The following IL15RA variants were observed in gnomAD, a reference collection of about 807,000 sequenced individuals.
IL15RA encodes interleukin 15 receptor subunit alpha.
A neutral mutation model predicts 24.2 loss-of-function variants in IL15RA; 26 were observed. The ratio of observed to expected loss-of-function variants is 1.07; its 90% CI spans 0.79 to 1.49. The LOEUF (loss-of-function observed/expected upper bound fraction) is 1.49, where lower values mean the gene tolerates loss of function less well. Ranked by LOEUF, IL15RA falls within the 40% of genes most tolerant of loss-of-function variation. The pLI is 0.00. For missense variants in IL15RA, 354 were observed against 356.4 expected (o/e 0.99, Z 0.05); for synonymous variants, 166 against 157.6 (o/e 1.05, Z -0.40).
chr10:5,974,955 G>C (rs1838181419), intron 1 of IL15RA, among the ~76,000 whole-genome samples: 1 of 151,146 alleles, frequency 6.6e-6, no homozygotes, highest in Admixed American at 6.6e-5. Flanking sequence ...AGAGGTCAAG[G>C]CTGCAGTGAG....
At chr10:5,952,104 G>T (rs143079909), downstream of IL15RA, among the ~76,000 whole-genome samples, 15 of 152,164 alleles carry the variant, frequency 9.9e-5, no homozygotes, top group African/African-American at 3.6e-4. Flanking sequence ...GTCAAAAACA[G>T]CAAAGAAAGT....
At chr10:5,954,409 C>T (rs557632053) in intron 6 of IL15RA, among the ~76,000 whole-genome samples, 262 of 151,782 alleles carry the variant, frequency 1.7e-3, no homozygotes, top group Admixed American at 2.8e-3. Context: ...CCGACCATGC[C>T]AATTCTTCCT....
chr10:5,971,731 C>T lies in IL15RA; in HGVS notation c.89-5392G>A, dbSNP rs1202304430. Among the ~76,000 whole-genome samples, 2 of 152,182 alleles carry T rather than the reference C, an allele frequency of 1.3e-5. No homozygotes were observed. Among genetic ancestry groups the T allele is most frequent in the Non-Finnish European group, 2.9e-5 (2 of 68,034 alleles). On this transcript the variant is annotated intron_variant, in intron 1 of 6. Transcript: ENST00000379977. This position sits in a 1 kb window ranked among gnomAD's most constrained non-coding sequence, Gnocchi z 5.5. ...CATCACCTTCCTTCCTTATTTTCCC[C>T]GCTGAAATGTCAGCCAAGTCAACAC... is the stretch of plus-strand genomic sequence containing the variant.
Position 5,959,594 on chromosome 10 carries a change from C to A in IL15RA, c.616+160G>T. The A allele has an allele frequency of 1.5e-6, 1 of 658,064 alleles. No homozygotes were observed. The allele number at this position is 658,064 out of a possible 1,614,324, so 40.8% of individuals were successfully genotyped here. A position where few individuals can be genotyped will look rare whatever the true frequency, so the allele number is the denominator to read the frequency against. ...ACATCAAACAGAGAATTCCATAAAT[C>A]AGCTATTACTTAACTTATTATCTGA... is the stretch of plus-strand genomic sequence containing the variant. On this transcript the variant is annotated intron_variant, in intron 5 of 6. Transcript: ENST00000379977. The surrounding 1 kb of genome is among the most constrained non-coding windows in gnomAD (Gnocchi z 4.1).
rs747833344 is a variant in IL15RA, at chr10:5,966,329, G to A, written c.99C>T (p.Cys33=). ...LRPPATRGIT[C]PPPMSVEHAD... is the part of the protein sequence containing the mutation. ...CGTGTTCCACGGACATGGGGGGAGG[G>A]CACGTGATGCCTGCGAAAGTGCAGA... is the stretch of plus-strand genomic sequence containing the variant. The change falls in exon 2 of 7, where the codon TGC becomes TGT. Residue 33 remains cysteine, a synonymous_variant. Transcript: ENST00000379977. This position sits in a 1 kb window ranked among gnomAD's most constrained non-coding sequence, Gnocchi z 6.4. 1 of 1,606,180 alleles carries A rather than the reference G, an allele frequency of 6.2e-7. No homozygotes were observed. Among genetic ancestry groups the A allele is most frequent in the South Asian group, 1.1e-5 (1 of 90,958 alleles).
intron 1 of IL15RA, among the ~76,000 whole-genome samples, chr10:5,969,946 A>T (rs987234840): frequency 6.6e-6 from 1 of 152,096 alleles, no homozygotes; most frequent in African/African-American, 2.4e-5. Flanking sequence ...AAATGGTATG[A>T]TATTTATTTC....
rs901857495 is a variant in IL15RA, at chr10:5,962,324, G to T, written c.382+1419C>A. ...AACCACCTGTGGGCTGGGTGCAGTG[G>T]CTCACACCTGTAATCCCAGCACTTT... On this transcript the variant is annotated intron_variant, in intron 3 of 6. Transcript: ENST00000379977. The surrounding 1 kb of genome is among the most constrained non-coding windows in gnomAD (Gnocchi z 5.2). 6.6e-6 allele frequency among the ~76,000 whole-genome samples: 1 copy of T among 152,190 alleles called. No homozygotes were observed. Among genetic ancestry groups the T allele is most frequent in the Admixed American group, 6.5e-5 (1 of 15,274 alleles).
chr10:5,964,747 C>G lies in IL15RA; in HGVS notation c.284-906G>C, dbSNP rs1386186044. On this transcript the variant is annotated intron_variant, in intron 2 of 6. Transcript: ENST00000379977. The surrounding 1 kb of genome is among the most constrained non-coding windows in gnomAD (Gnocchi z 5.6). ...CCTGACTTGCCCTGCAGTGAGAAAG[C>G]CCTCATTTTACCTCGGGCAGACAGG... Among the ~76,000 whole-genome samples the G allele has an allele frequency of 6.6e-6, 1 of 152,192 alleles. No homozygotes were observed. Among genetic ancestry groups the G allele is most frequent in the Non-Finnish European group, 1.5e-5 (1 of 68,038 alleles).
chr10:5,977,646 C>G (rs1838677014), upstream of IL15RA: 1 of 1,253,414 alleles, frequency 8.0e-7, no homozygotes, highest in East Asian at 3.2e-5. Flanking sequence ...AGGTGCAAAG[C>G]GGTGACAGAT....
chr10:5,969,164 C>A (rs1837140104), intron 1 of IL15RA, among the ~76,000 whole-genome samples: 1 of 152,036 alleles, frequency 6.6e-6, no homozygotes, highest in African/African-American at 2.4e-5. Flanking sequence ...AGTCCTCCTA[C>A]TGTGCTAATC....
rs1407525533 is a variant in IL15RA, at chr10:5,958,344, C to A, written c.616+1410G>T. Reference sequence around the variant, plus strand: ...CCTGGAAATCTGGTAGCAAGTGTTGCTTCCTTCCTGCAAGGGGATTTTTGA... The same window carrying A: ...CCTGGAAATCTGGTAGCAAGTGTTGATTCCTTCCTGCAAGGGGATTTTTGA... On this transcript the variant is annotated intron_variant, in intron 5 of 6. Transcript: ENST00000379977. The surrounding 1 kb of genome is among the most constrained non-coding windows in gnomAD (Gnocchi z 4.3). 1.1e-5 allele frequency: 5 copies of A among 446,612 alleles called. No homozygotes were observed. Among genetic ancestry groups the A allele is most frequent in the Admixed American group, 2.5e-5 (1 of 40,066 alleles). 27.7% of individuals were successfully genotyped at this position (446,612 alleles called of 1,614,324 possible).
intron 1 of IL15RA, among the ~76,000 whole-genome samples, chr10:5,969,756 G>A (rs1387835905): frequency 1.3e-5 from 2 of 152,208 alleles, no homozygotes; most frequent in Non-Finnish European, 2.9e-5. Context: ...TCAGTTTGGG[G>A]AAGAATTGAT....
rs937016305 is a variant in IL15RA at position 5,953,528 on chromosome 10, A to C, written c.693-322T>G. ...GACCAACCAGGACAATATGATGAGA[A>C]TAAATCCTCTCCAGGTATTTCCAAC... On this transcript the variant is annotated intron_variant, in intron 6 of 6. Coordinates refer to ENST00000379977, the MANE Select transcript of IL15RA (RefSeq NM_002189.4). The surrounding 1 kb of genome is among the most constrained non-coding windows in gnomAD (Gnocchi z 5.3). 2.0e-5 allele frequency among the ~76,000 whole-genome samples: 3 copies of C among 152,162 alleles called. No individual in the cohort carries two copies. The highest frequency in any genetic ancestry group is 4.4e-5 in the Non-Finnish European group (3 of 68,028).
downstream of IL15RA, chr10:5,950,787 T>G (rs1255472840): frequency 6.6e-6 from 1 of 152,638 alleles, no homozygotes; most frequent in African/African-American, 2.4e-5. The surrounding 1 kb of genome is among the most constrained non-coding windows in gnomAD (Gnocchi z 5.6). Context: ...AGCAGCCACG[T>G]GGAGAAGCCT....
chr10:5,969,243 AT>A (rs1234556521), intron 1 of IL15RA, among the ~76,000 whole-genome samples: 5 of 150,642 alleles, frequency 3.3e-5, no homozygotes, highest in Non-Finnish European at 5.9e-5. Context: ...AATTAAATTA[AT>A]TTTTTAAATT....
chr10:5,955,808 T>C lies in IL15RA; in HGVS notation c.692+571A>G, dbSNP rs1834439343. 6.6e-6 allele frequency among the ~76,000 whole-genome samples: 1 copy of C among 152,196 alleles called. No individual in the cohort carries two copies. The highest frequency in any genetic ancestry group is 2.4e-5 in the African/African-American group (1 of 41,448). On this transcript the variant is annotated intron_variant, in intron 6 of 6. Transcript: ENST00000379977. This position sits in a 1 kb window ranked among gnomAD's most constrained non-coding sequence, Gnocchi z 5.3. ...GTATCACAAGAAGAATGGGTAGGAC[T>C]GCACGCGTTGGCCACCTGGTGCACT...
chr10:5,966,172 A>C lies in IL15RA; in HGVS notation c.256T>G (p.Trp86Gly). Residue 86 changes from tryptophan to glycine, a missense_variant, in exon 2 of 7, where the codon TGG (tryptophan) becomes GGG (glycine). By Grantham distance (184) the Trp-to-Gly change is radical. Transcript: ENST00000379977. The surrounding 1 kb of genome is among the most constrained non-coding windows in gnomAD (Gnocchi z 6.4). ...VLNKATNVAHWTTPSLKCIRD... is the reference protein window; with the variant it reads ...VLNKATNVAHGTTPSLKCIRD... ...ATGCATTTGAGACTGGGGGTTGTCC[A>C]GTGGGCGACATTCGTGGCCTTGTTC... 1 of 1,611,702 alleles carries C rather than the reference A, an allele frequency of 6.2e-7. No homozygotes were observed. Among genetic ancestry groups the C allele is most frequent in the South Asian group, 1.1e-5 (1 of 91,040 alleles).
downstream of IL15RA, chr10:5,949,446 G>A (rs1047705307): frequency 1.7e-5 from 8 of 458,830 alleles, no homozygotes; most frequent in Admixed American, 2.4e-5. The surrounding 1 kb of genome is among the most constrained non-coding windows in gnomAD (Gnocchi z 4.4). Context: ...AGTGTGAGGT[G>A]GGGGAGGCTG....
chr10:5,969,762 T>C (rs1458540113), intron 1 of IL15RA, among the ~76,000 whole-genome samples: 2 of 152,238 alleles, frequency 1.3e-5, no homozygotes, highest in African/African-American at 2.4e-5. Flanking sequence ...TGGGGAAGAA[T>C]TGATATCTTA....
Sources: allele counts gnomAD v4.1 joint callset (sites outside exome capture counted in the v4.1 genomes callset), GRCh38; gene constraint gnomAD v4.1.1; non-coding constraint Gnocchi (gnomAD v3.1); transcripts MANE v1.5; gene names NCBI Gene and HGNC (gene_info 2026-07-23, HGNC 2026-07-21).